The following ZAN variants were observed in gnomAD, a reference collection of about 807,000 sequenced individuals.
The protein encoded by ZAN is zonadhesin.
In ZAN, 260 loss-of-function variants were observed where a neutral mutation model predicts 286.2. The ratio of observed to expected loss-of-function variants is 0.91; its 90% confidence interval spans 0.82 to 1.01. ZAN has a LOEUF of 1.01. ZAN is among the 50% of genes least tolerant of loss of function. The pLI, the probability that ZAN is intolerant of heterozygous loss-of-function variation, is 0.00. For synonymous variants in ZAN, 1,368 were observed against 1,417.5 expected, an observed-to-expected ratio of 0.97 and a Z score of 0.79; for missense variants, 3,410 against 3,639.2, an observed-to-expected ratio of 0.94 and a Z score of 1.62.
chr7:100,791,579 G>A (rs909814000), intron 40 of ZAN, among the ~76,000 whole-genome samples: 8 of 151,652 alleles, frequency 5.3e-5, no homozygotes, highest in Non-Finnish European at 7.4e-5. Flanking sequence ...GCTAATGTTC[G>A]TATTTTTAGT....
chr7:100,762,806 C>T (rs1370933479), intron 20 of ZAN, among the ~76,000 whole-genome samples: 1 of 150,738 alleles, frequency 6.6e-6, no homozygotes, highest in East Asian at 2.0e-4. Context: ...ATGGCACGAT[C>T]GTGGCTTACT....
At chr7:100,764,304 A>G (rs774464849) in intron 22 of ZAN, 108 bp downstream of exon 22, 61 of 1,345,610 alleles carry the variant, frequency 4.5e-5, no homozygotes, top group Non-Finnish European at 5.9e-5. Flanking sequence ...GGAGTTTGGG[A>G]CCAGCCTGGC....
intron 7 of ZAN, among the ~76,000 whole-genome samples, chr7:100,742,226 A>G (rs1807844027): frequency 8.6e-6 from 1 of 116,386 alleles, no homozygotes; most frequent in Non-Finnish European, 1.9e-5. Context: ...CACATCCCAG[A>G]TGGGGCGGTG....
rs969814117 is a variant in ZAN at position 100,791,029 on chromosome 7, C to T, written c.7445C>T (p.Pro2482Leu). 2.5e-6 allele frequency: 4 copies of T among 1,612,832 alleles called. No homozygotes were observed. Among genetic ancestry groups the T allele is most frequent in the Non-Finnish European group, 3.4e-6 (4 of 1,179,574 alleles). Residue 2482 changes from proline to leucine, a missense_variant, in exon 40 of 48, where the codon CCC becomes CTC. Physicochemically the swap from Pro to Leu is moderately conservative, Grantham distance 98 (BLOSUM62 -3). Coordinates refer to ENST00000613979, the MANE Select transcript of ZAN (RefSeq NM_003386.3). ...DKNRKNDMML[P>L]SGALTQNLNT... ...AACCGCAAGAATGACATGATGCTGC[C>T]CAGTGGCGCCCTGACCCAGAACCTC...
chr7:100,743,899 T>C (rs1807994547), intron 7 of ZAN, among the ~76,000 whole-genome samples: 1 of 151,008 alleles, frequency 6.6e-6, no homozygotes, highest in Admixed American at 6.6e-5. Flanking sequence ...TAAATAAAAA[T>C]AGAGATGGGG....
intron 19 of ZAN, 120 bp downstream of exon 19, chr7:100,760,656 C>T: frequency 1.4e-6 from 2 of 1,417,516 alleles, no homozygotes; most frequent in African/African-American, 1.4e-5. Flanking sequence ...CTACTTGATC[C>T]TTTATGCATT....
chr7:100,786,008 C>T lies in ZAN; in HGVS notation c.6846C>T (p.Ser2282=). Residue 2282 remains serine, a synonymous_variant, in exon 37 of 48, where the codon AGC becomes AGT. Transcript: ENST00000613979. The part of the protein sequence containing the change: ...AHGGSIPLGK[S]WVSSGCTEKC... Reference sequence around the variant, plus strand: ...TGTAACTTCTACAGCTGGGCAAGAGCTGGGTCTCCAGCGGTTGCACGGAGA... The same window carrying T: ...TGTAACTTCTACAGCTGGGCAAGAGTTGGGTCTCCAGCGGTTGCACGGAGA... 6.2e-7 allele frequency: 1 copy of T among 1,613,800 alleles called. No homozygotes were observed. The highest frequency in any genetic ancestry group is 8.5e-7 in the Non-Finnish European group (1 of 1,179,858).
chr7:100,773,025 C>T (rs1810492247), intron 29 of ZAN, among the ~76,000 whole-genome samples: 1 of 151,580 alleles, frequency 6.6e-6, no homozygotes, highest in South Asian at 2.1e-4. Flanking sequence ...GCGTGTGCCA[C>T]CCCAAGTAGC....
In ZAN at chr7:100,786,261, G is replaced by A. The variant is rs1044037563; in HGVS notation, c.6979+120G>A. 94 of 1,442,098 alleles carry A rather than the reference G, an allele frequency of 6.5e-5. 1 individual carries two copies. The South Asian group carries it at 9.5e-4, about 15-fold the overall frequency. 89.3% of individuals were successfully genotyped at this position (1,442,098 alleles called of 1,614,324 possible). A position where few individuals can be genotyped will look rare whatever the true frequency, so the allele number is the denominator to read the frequency against. ...CCCCAGCACAGTCAGGGGTTGGGGC[G>A]GGCGACTGGATCAGGAGGCCTGGCC... On this transcript the variant is annotated intron_variant, in intron 37 of 47. Transcript: ENST00000613979.
chr7:100,786,277 AG>A, intron 37 of ZAN, 136 bp downstream of exon 37: 2 of 1,343,682 alleles, frequency 1.5e-6, no homozygotes, highest in South Asian at 2.7e-5. Flanking sequence ...CTGGATCAGG[AG>A]GCCTGGCCTC....
intron 13 of ZAN, 99 bp downstream of exon 13, chr7:100,751,365 C>G: frequency 1.2e-6 from 1 of 810,832 alleles, no homozygotes; most frequent in South Asian, 3.0e-5. Context: ...CCCTGGAGCC[C>G]GAATTCTCAC....
At chr7:100,797,052 A>AT (rs1424470182) in intron 45 of ZAN, among the ~76,000 whole-genome samples, 1 of 151,890 alleles carries the variant, frequency 6.6e-6, no homozygotes, top group Non-Finnish European at 1.5e-5. Flanking sequence ...GAGGGGGAGG[A>AT]TTGCTTGAGC....
chr7:100,759,879 G>A (rs138158960), intron 18 of ZAN, 34 bp downstream of exon 18: 16,106 of 1,599,778 alleles, frequency 0.01, 122 homozygotes, highest in Admixed American at 0.016. Context: ...ATCCTTGCAG[G>A]GTCTGACTGT....
intron 45 of ZAN, 86 bp downstream of exon 45, chr7:100,795,422 A>T (rs924237537): frequency 5.6e-6 from 7 of 1,258,396 alleles, no homozygotes; most frequent in Non-Finnish European, 7.1e-6. Context: ...TTATATTCAC[A>T]TATAGAATGA....
At chr7:100,755,119 G>T (rs1336997183) in intron 14 of ZAN, 107 bp from the exon 15 acceptor site, 2 of 1,322,778 alleles carry the variant, frequency 1.5e-6, no homozygotes, top group African/African-American at 1.5e-5. Context: ...AAATAATATG[G>T]TCCTGTTTCC....
chr7:100,763,923 A>G lies in ZAN; in HGVS notation c.4097+7A>G. On this transcript the variant is annotated splice_region_variant and intron_variant, in intron 21 of 47. Coordinates refer to ENST00000613979, the MANE Select transcript of ZAN (RefSeq NM_003386.3). This position sits in a 1 kb window ranked among gnomAD's most constrained non-coding sequence, Gnocchi z 4.6. ...ACACTCATGGCCCATTTGAGTATGA[A>G]GGAGGGCAGGCAGGGTCGCACAGGG... 1 of 1,613,600 alleles carries G rather than the reference A, an allele frequency of 6.2e-7. No individual in the cohort carries two copies. The highest frequency in any genetic ancestry group is 8.5e-7 in the Non-Finnish European group (1 of 1,179,780).
chr7:100,752,208 A>G lies in ZAN; in HGVS notation c.2103A>G (p.Glu701=). 1.9e-6 allele frequency: 3 copies of G among 1,612,316 alleles called. No individual in the cohort carries two copies. Among genetic ancestry groups the G allele is most frequent in the Non-Finnish European group, 2.5e-6 (3 of 1,179,442 alleles). ...IPTEKPTISM[E]ETIISTEKPT... ...CGGAAAAACCCACCATCTCCATGGAAGAGACTATCATCTCCACAGAAAAAC... is the reference window on the plus strand; with the variant it reads ...CGGAAAAACCCACCATCTCCATGGAGGAGACTATCATCTCCACAGAAAAAC... Residue 701 remains glutamate, a synonymous_variant, in exon 14 of 48, where the codon GAA becomes GAG. Transcript: ENST00000613979.
At chr7:100,747,363 G>A (rs1320109159) in intron 8 of ZAN, among the ~76,000 whole-genome samples, 187 bp from the exon 9 acceptor site, 1 of 151,984 alleles carries the variant, frequency 6.6e-6, no homozygotes, top group African/African-American at 2.4e-5. Flanking sequence ...CTCCAGCCTG[G>A]GCAACAGAGC....
chr7:100,764,340 C>T, intron 22 of ZAN, 144 bp downstream of exon 22: 1 of 1,012,100 alleles, frequency 9.9e-7, no homozygotes, highest in Non-Finnish European at 1.4e-6. Context: ...ACTAAACATA[C>T]CAAAATTAGC....
Sources: allele counts gnomAD v4.1 joint callset (sites outside exome capture counted in the v4.1 genomes callset), GRCh38; gene constraint gnomAD v4.1.1; non-coding constraint Gnocchi (gnomAD v3.1); transcripts MANE v1.5; gene names NCBI Gene and HGNC (gene_info 2026-07-23, HGNC 2026-07-21).